The following SAMTOR variants were observed in gnomAD, a reference collection of about 807,000 sequenced individuals.
SAMTOR encodes the protein S-adenosylmethionine sensor upstream of mTORC1.
the SAMTOR span, among the ~76,000 whole-genome samples, chr7:112,908,753 G>T: frequency 3.3e-5 from 5 of 152,132 alleles, no homozygotes; most frequent in African/African-American, 1.2e-4. Flanking sequence ...CAAAACAAAT[G>T]AAAATGGTTA....
chr7:112,939,853 G>A, the SAMTOR span: 1 of 862,602 alleles, frequency 1.2e-6, no homozygotes, highest in Non-Finnish European at 1.8e-6. Flanking sequence ...AGCAGCCAGA[G>A]GAGGCAGAGG....
At chr7:112,854,049 T>C in the SAMTOR span, among the ~76,000 whole-genome samples, 1 of 152,226 alleles carries the variant, frequency 6.6e-6, no homozygotes, top group East Asian at 1.9e-4. Context: ...TTTGGGGCTG[T>C]TAGATGAGAA....
chr7:112,883,405 G>T, the SAMTOR span, among the ~76,000 whole-genome samples: 1 of 152,004 alleles, frequency 6.6e-6, no homozygotes, highest in Non-Finnish European at 1.5e-5. Context: ...GAGTACTAAA[G>T]AACTCAAATT....
At chr7:112,913,810 T>C in the SAMTOR span, among the ~76,000 whole-genome samples, 1 of 152,156 alleles carries the variant, frequency 6.6e-6, no homozygotes, top group Non-Finnish European at 1.5e-5. Flanking sequence ...TTCCTTTATA[T>C]CATTGGCACA....
the SAMTOR span, among the ~76,000 whole-genome samples, chr7:112,858,024 A>G: frequency 6.6e-6 from 1 of 152,250 alleles, no homozygotes; most frequent in Middle Eastern, 3.4e-3. Flanking sequence ...GTAATAAATG[A>G]TGATGGTCTT....
the SAMTOR span, among the ~76,000 whole-genome samples, chr7:112,862,429 C>A: frequency 3.3e-5 from 5 of 152,170 alleles, no homozygotes; most frequent in Non-Finnish European, 5.9e-5. Flanking sequence ...GAAATTAACT[C>A]TATGGTCCCT....
chr7:112,825,100 C>T, the SAMTOR span, among the ~76,000 whole-genome samples: 3 of 152,268 alleles, frequency 2.0e-5, no homozygotes, highest in African/African-American at 7.2e-5. Flanking sequence ...TAGCTCACTG[C>T]AACCTCCACC....
chr7:112,912,045 AT>A, the SAMTOR span, among the ~76,000 whole-genome samples: 32 of 149,782 alleles, frequency 2.1e-4, 1 homozygote, highest in South Asian at 6.1e-3. Flanking sequence ...ACATATATAT[AT>A]AAATTTTAAA....
chr7:112,827,832 C>T, the SAMTOR span, among the ~76,000 whole-genome samples: 1,620 of 152,238 alleles, frequency 0.011, 30 homozygotes, highest in African/African-American at 0.037. Context: ...AGCGATCCTC[C>T]CATCTGTCTC....
chr7:112,930,346 T>G, the SAMTOR span, among the ~76,000 whole-genome samples: 1 of 152,136 alleles, frequency 6.6e-6, no homozygotes, highest in Non-Finnish European at 1.5e-5. Context: ...TCCAAGGTGT[T>G]TGGTAATTAA....
At chr7:112,936,260 C>G in the SAMTOR span, among the ~76,000 whole-genome samples, 19 of 152,162 alleles carry the variant, frequency 1.2e-4, no homozygotes, top group Non-Finnish European at 2.6e-4. Flanking sequence ...AGAAATACCC[C>G]TTCGCATCAC....
At chr7:112,875,162 C>T in the SAMTOR span, among the ~76,000 whole-genome samples, 1 of 152,158 alleles carries the variant, frequency 6.6e-6, no homozygotes, top group Admixed American at 6.5e-5. Flanking sequence ...AAACCTGACC[C>T]AGCCCCCAGC....
chr7:112,866,618 G>A, the SAMTOR span, among the ~76,000 whole-genome samples: 5 of 152,320 alleles, frequency 3.3e-5, no homozygotes, highest in South Asian at 1.0e-3. Flanking sequence ...GTCAGGAAGG[G>A]AGTTGGGTGC....
the SAMTOR span, among the ~76,000 whole-genome samples, chr7:112,865,737 T>TATATTTCATATATACATATATTC: frequency 1.4e-5 from 2 of 147,214 alleles, no homozygotes; most frequent in African/African-American, 2.5e-5. Flanking sequence ...TATATTCATA[T>TATATTTCATATATACATATATTC]ATATTTCATA....
the SAMTOR span, among the ~76,000 whole-genome samples, chr7:112,863,183 G>C: frequency 6.6e-6 from 1 of 152,140 alleles, no homozygotes; most frequent in Non-Finnish European, 1.5e-5. Flanking sequence ...AAGCAATGGA[G>C]AAAGAATTCT....
At chr7:112,834,615 C>T in the SAMTOR span, among the ~76,000 whole-genome samples, 7 of 152,092 alleles carry the variant, frequency 4.6e-5, no homozygotes, top group African/African-American at 9.7e-5. Flanking sequence ...ACCCAGGACA[C>T]GAATCACATC....
the SAMTOR span, among the ~76,000 whole-genome samples, chr7:112,928,612 A>G: frequency 6.6e-6 from 1 of 152,006 alleles, no homozygotes; most frequent in African/African-American, 2.4e-5. Context: ...ATAAACATGA[A>G]AAGTATAAAC....
chr7:112,879,817 A>C, the SAMTOR span, among the ~76,000 whole-genome samples: 1 of 152,192 alleles, frequency 6.6e-6, no homozygotes. Flanking sequence ...TAAGGGTTTT[A>C]GCTTAAAACT....
chr7:112,844,477 A>C, the SAMTOR span, among the ~76,000 whole-genome samples: 34 of 152,142 alleles, frequency 2.2e-4, no homozygotes, highest in African/African-American at 7.7e-4. Flanking sequence ...GCATTTCTAT[A>C]CACCAGTAAG....
Sources: gnomAD v4.1 joint callset for allele counts (sites outside exome capture counted in the v4.1 genomes callset) on GRCh38, gnomAD v4.1.1 for gene constraint, MANE v1.5 for transcripts, NCBI Gene and HGNC (gene_info 2026-07-23, HGNC 2026-07-21) for gene names.